The following CNTLN variants were observed in gnomAD, a reference collection of about 807,000 sequenced individuals.
The protein encoded by CNTLN is centlein, centrosomal protein.
A neutral mutation model predicts 180.0 loss-of-function variants in CNTLN; 212 were observed. That is an observed-to-expected ratio of 1.18 (90% CI 1.05 to 1.32). The LOEUF (loss-of-function observed/expected upper bound fraction) is 1.32, where lower values mean the gene tolerates loss of function less well. Among genes scored for constraint, CNTLN ranks in the 40% most tolerant of loss-of-function variants. The pLI is 0.00. For synonymous variants in CNTLN, 722 were observed against 563.1 expected, an observed-to-expected ratio of 1.28 and a Z score of -3.99; for missense variants, 2,095 against 1,610.9, an observed-to-expected ratio of 1.30 and a Z score of -5.14.
Position 17,344,569 on chromosome 9 carries a change from A to G in CNTLN, c.1886+2125A>G, listed in dbSNP as rs551185644. On this transcript the variant is annotated intron_variant, in intron 12 of 25. Coordinates refer to ENST00000380647, the MANE Select transcript of CNTLN (RefSeq NM_017738.4). Reference sequence around the variant, plus strand: ...AATGAGAATACCAGACAGACTTTCTACTCTCAGGGAACTTACATGGAAACA... The same window carrying G: ...AATGAGAATACCAGACAGACTTTCTGCTCTCAGGGAACTTACATGGAAACA... Among the ~76,000 whole-genome samples, 26 of 152,210 alleles carry G rather than the reference A, an allele frequency of 1.7e-4. No individual in the cohort carries two copies. In the South Asian group the frequency reaches 2.1e-3, roughly 12 times the overall value.
At chr9:17,388,096 TAAAATGA>T in intron 13 of CNTLN, 59 bp from the exon 14 acceptor site, 1 of 1,020,146 alleles carries the variant, frequency 9.8e-7, no homozygotes, top group Middle Eastern at 2.3e-4. Context: ...CCCTTTTTCT[TAAAATGA>T]CAGGACAGTA....
intron 10 of CNTLN, among the ~76,000 whole-genome samples, chr9:17,336,311 T>C (rs1821032913): frequency 6.6e-6 from 1 of 152,170 alleles, no homozygotes; most frequent in African/African-American, 2.4e-5. Context: ...TATCCAACTT[T>C]TGATGGATGA....
chr9:17,269,218 A>G (rs1476110361), intron 5 of CNTLN, among the ~76,000 whole-genome samples: 2 of 150,804 alleles, frequency 1.3e-5, no homozygotes, highest in Non-Finnish European at 3.0e-5. Flanking sequence ...TCCAAATCCA[A>G]CTCTTATTTA....
rs577169939 is a variant in CNTLN at position 17,288,314 on chromosome 9, G to A, written c.984-9876G>A. On this transcript the variant is annotated intron_variant, in intron 6 of 25. Coordinates refer to ENST00000380647, the MANE Select transcript of CNTLN (RefSeq NM_017738.4). ...TTGTTCAGTTTCCATGTAGTTGAGC[G>A]GCTTTGAGTGAGATTCTTAATCCTG... Among the ~76,000 whole-genome samples the A allele has an allele frequency of 3.4e-5, 4 of 116,458 alleles. 1 individual carries two copies. The highest frequency in any genetic ancestry group is 7.0e-5 in the Non-Finnish European group (4 of 57,514). The allele number at this position is 116,458 out of a possible 152,430, so 76.4% of individuals were successfully genotyped here.
intron 10 of CNTLN, among the ~76,000 whole-genome samples, chr9:17,338,348 T>G (rs1201209294): frequency 7.1e-6 from 1 of 141,650 alleles, no homozygotes; most frequent in Non-Finnish European, 1.6e-5. Flanking sequence ...TTTTTTTTTT[T>G]TTTTTTTAGA....
intron 5 of CNTLN, among the ~76,000 whole-genome samples, chr9:17,245,402 C>A (rs1825740352): frequency 6.7e-6 from 1 of 148,600 alleles, no homozygotes; most frequent in African/African-American, 2.5e-5. Flanking sequence ...GTGCAGTCTG[C>A]TGCCAGATGT....
chr9:17,301,015 A>G (rs1468907896), intron 7 of CNTLN: 1 of 984,584 alleles, frequency 1.0e-6, no homozygotes, highest in African/African-American at 1.7e-5. Flanking sequence ...GTATGTTGTA[A>G]TAGTAGTAGA....
chr9:17,484,497 A>G lies in CNTLN; in HGVS notation c.4041+17A>G, dbSNP rs150816655. The G allele has an allele frequency of 3.8e-6, 6 of 1,564,966 alleles. No homozygotes were observed. Among genetic ancestry groups the G allele is most frequent in the Non-Finnish European group, 4.3e-6 (5 of 1,158,136 alleles). ...GATCAAGTGGTAAGATCATTTAAAT[A>G]TTTATTATTAAAGGGTTTATTATAC... On this transcript the variant is annotated intron_variant, in intron 24 of 25. Transcript: ENST00000380647.
At chr9:17,174,507 C>G (rs145620295) in intron 2 of CNTLN, among the ~76,000 whole-genome samples, 5 of 152,082 alleles carry the variant, frequency 3.3e-5, no homozygotes, top group African/African-American at 1.2e-4. Context: ...ACCAGCCTGG[C>G]CAATATGGTG....
intron 12 of CNTLN, among the ~76,000 whole-genome samples, chr9:17,344,418 G>A (rs1407591572): frequency 6.6e-6 from 1 of 152,110 alleles, no homozygotes; most frequent in Non-Finnish European, 1.5e-5. Flanking sequence ...TTAAAAGAAT[G>A]CTAAAGAATG....
At chr9:17,350,880 C>T (rs1485109037) in intron 12 of CNTLN, among the ~76,000 whole-genome samples, 1 of 152,130 alleles carries the variant, frequency 6.6e-6, no homozygotes, top group Non-Finnish European at 1.5e-5. Context: ...AACACAGTTA[C>T]AGCTGACCAA....
rs559128609 is a variant in CNTLN at position 17,144,941 on chromosome 9, A to T, written c.449+1565A>T. On this transcript the variant is annotated intron_variant, in intron 2 of 25. Coordinates refer to ENST00000380647, the MANE Select transcript of CNTLN (RefSeq NM_017738.4). ...ACTGCAAGCTCCGCTTCCCGGGTTC[A>T]CGCCATTCTCCTGCCTCAGCCTCCC... Among the ~76,000 whole-genome samples, 52 of 150,860 alleles carry T rather than the reference A, an allele frequency of 3.4e-4. No individual in the cohort carries two copies. In the East Asian group the frequency reaches 4.1e-3, roughly 12 times the overall value.
chr9:17,178,649 G>A (rs143221014), intron 2 of CNTLN, among the ~76,000 whole-genome samples: 2,056 of 151,546 alleles, frequency 0.014, 63 homozygotes, highest in African/African-American at 0.048. Flanking sequence ...CTCACTGCCC[G>A]GGGCCTGCCG....
chr9:17,524,351 CAGG>C, the CNTLN span, among the ~76,000 whole-genome samples: 1 of 152,172 alleles, frequency 6.6e-6, no homozygotes, highest in Non-Finnish European at 1.5e-5. Context: ...AGTCTAAAGG[CAGG>C]AGAAGACTGA....
At chr9:17,301,565 G>C (rs1482790751) in intron 7 of CNTLN, 1 of 984,460 alleles carries the variant, frequency 1.0e-6, no homozygotes, top group African/African-American at 1.8e-5. Flanking sequence ...TGGGAGTAGG[G>C]GGCTTCACTG....
chr9:17,261,486 G>A (rs990863575), intron 5 of CNTLN, among the ~76,000 whole-genome samples: 2 of 151,272 alleles, frequency 1.3e-5, no homozygotes, highest in African/African-American at 4.9e-5. Context: ...ACATTATTGG[G>A]ATTTAGAAAT....
In CNTLN at chr9:17,359,737, A is replaced by AAAAAAAC. The variant is rs1564027321; in HGVS notation, c.1887-6874_1887-6873insCAAAAAA. On this transcript the variant is annotated intron_variant, in intron 12 of 25. Coordinates refer to ENST00000380647, the MANE Select transcript of CNTLN (RefSeq NM_017738.4). ...TATACTAAAAATACAAAAAAAAAAA[A>AAAAAAAC]AAAAAAAAAAAAACTAGCTGGGTGT... Among the ~76,000 whole-genome samples the AAAAAAAC allele has an allele frequency of 2.3e-3, 269 of 118,318 alleles. 12 individuals are homozygous for AAAAAAAC. Among genetic ancestry groups the AAAAAAAC allele is most frequent in the African/African-American group, 7.6e-3 (256 of 33,570 alleles). 77.6% of individuals were successfully genotyped at this position (118,318 alleles called of 152,430 possible). A position where few individuals can be genotyped will look rare whatever the true frequency, so the allele number is the denominator to read the frequency against.
intron 6 of CNTLN, among the ~76,000 whole-genome samples, chr9:17,293,311 G>A (rs551781978): frequency 1.2e-3 from 190 of 152,344 alleles, no homozygotes; most frequent in Non-Finnish European, 1.8e-3. Context: ...GAGCGGGTGC[G>A]CTGTGCTGTG....
rs116927124 is a variant in CNTLN, at chr9:17,373,160, G to A, written c.1987+6443G>A. Among the ~76,000 whole-genome samples the A allele has an allele frequency of 1.3e-3, 198 of 152,028 alleles. 2 individuals carry two copies. In the East Asian group the frequency reaches 0.035, roughly 27 times the overall value. On this transcript the variant is annotated intron_variant, in intron 13 of 25. Coordinates refer to ENST00000380647, the MANE Select transcript of CNTLN (RefSeq NM_017738.4). ...AGTCACACAACAGAAAGAAAGAAAG[G>A]GCATCCAAATTAGGAAGAAGTCAAA...
Sources: gnomAD v4.1 joint callset for allele counts (sites outside exome capture counted in the v4.1 genomes callset) on GRCh38, gnomAD v4.1.1 for gene constraint, MANE v1.5 for transcripts, NCBI Gene and HGNC (gene_info 2026-07-23, HGNC 2026-07-21) for gene names.